The following ELMO1 variants were observed in gnomAD, a reference collection of about 807,000 sequenced individuals.
The protein encoded by ELMO1 is engulfment and cell motility protein 1.
In ELMO1, 26 loss-of-function variants were observed where a neutral mutation model predicts 98.9. The ratio of observed to expected loss-of-function variants is 0.26; its 90% CI spans 0.19 to 0.36. The LOEUF (loss-of-function observed/expected upper bound fraction) is 0.36, where lower values mean the gene tolerates loss of function less well. ELMO1 is among the 10% of genes least tolerant of loss of function. The pLI is 1.00. For synonymous variants in ELMO1, 346 were observed against 346.0 expected, an observed-to-expected ratio of 1.00 and a Z score of 0.00; for missense variants, 627 against 935.2, an observed-to-expected ratio of 0.67 and a Z score of 4.30.
chr7:36,980,634 G>T lies in ELMO1; in HGVS notation c.1437+32665C>A, dbSNP rs1790968145. Among the ~76,000 whole-genome samples the T allele has an allele frequency of 2.0e-5, 3 of 152,292 alleles. No homozygotes were observed. In the South Asian group the frequency reaches 6.2e-4, roughly 32 times the overall value. On this transcript the variant is annotated intron_variant, in intron 16 of 21. Coordinates refer to ENST00000310758, the MANE Select transcript of ELMO1 (RefSeq NM_014800.11). ...CTGTATTTCTAGAATATCATAGATT[G>T]CTTGAAATGAGCTAGCAAATTAGTA...
intron 15 of ELMO1, among the ~76,000 whole-genome samples, chr7:37,018,187 C>T (rs960027421): frequency 6.0e-5 from 9 of 148,780 alleles, no homozygotes; most frequent in African/African-American, 2.0e-4. Context: ...AGAGCAATGG[C>T]GTGATCTCAG....
At chr7:37,103,753 T>C (rs6954544) in intron 14 of ELMO1, among the ~76,000 whole-genome samples, 151,959 of 151,960 alleles carry the variant, frequency 1, 75,979 homozygotes, top group Non-Finnish European at 1. Context: ...TCCCAGCACT[T>C]TGGGAGGCCG....
chr7:37,300,752 C>T (rs200652275), intron 4 of ELMO1, among the ~76,000 whole-genome samples: 15 of 147,908 alleles, frequency 1.0e-4, no homozygotes, highest in South Asian at 2.2e-4. Context: ...TGTCTCTGCC[C>T]GGCTTTGGTA....
At position 37,218,275 on chromosome 7, in the gene ELMO1, T is replaced by C. The variant is rs1408043057; in HGVS notation, c.781-1580A>G. Among the ~76,000 whole-genome samples the C allele has an allele frequency of 3.9e-5, 6 of 152,358 alleles. No homozygotes were observed. The East Asian group carries it at 9.6e-4, about 24-fold the overall frequency. ...ATTTAAAGTTAGAAGGGACAATGTA[T>C]GTCCAACTTCTACTAAAGAAATCAT... On this transcript the variant is annotated intron_variant, in intron 10 of 21. Transcript: ENST00000310758.
intron 1 of ELMO1, among the ~76,000 whole-genome samples, chr7:37,398,367 G>C (rs541354681): frequency 6.6e-6 from 1 of 152,212 alleles, no homozygotes; most frequent in East Asian, 1.9e-4. Flanking sequence ...ATATATTCAT[G>C]GAAATGTAAA....
intron 13 of ELMO1, chr7:37,204,005 C>T (rs189806975): frequency 6.6e-5 from 29 of 436,434 alleles, no homozygotes; most frequent in Non-Finnish European, 1.1e-4. Context: ...CTGGCAGCCA[C>T]GCTAGTCGCT....
At chr7:36,997,850 A>G (rs1173117419) in intron 16 of ELMO1, 1 of 152,460 alleles carries the variant, frequency 6.6e-6, no homozygotes, top group Non-Finnish European at 1.5e-5. Context: ...GAGGCAACAC[A>G]AGTCAATGCC....
intron 1 of ELMO1, among the ~76,000 whole-genome samples, chr7:37,422,150 C>T (rs1298623034): frequency 6.6e-6 from 1 of 152,216 alleles, no homozygotes; most frequent in African/African-American, 2.4e-5. Context: ...ATTAGCTTTC[C>T]TCTATTTCAA....
intron 20 of ELMO1, among the ~76,000 whole-genome samples, chr7:36,869,259 T>C (rs1371972444): frequency 1.3e-5 from 2 of 152,146 alleles, no homozygotes; most frequent in African/African-American, 4.8e-5. Flanking sequence ...GGAGTTCCCA[T>C]GGAGCTGAGG....
rs1584478397 is a variant in ELMO1, at chr7:36,984,991, C to T, written c.1437+28308G>A. 4 of 985,312 alleles carry T rather than the reference C, an allele frequency of 4.1e-6. No individual in the cohort carries two copies. In the African/African-American group the frequency reaches 7.0e-5, roughly 17 times the overall value. The allele number at this position is 985,312 out of a possible 1,614,324, so 61.0% of individuals were successfully genotyped here. A position where few individuals can be genotyped will look rare whatever the true frequency, so the allele number is the denominator to read the frequency against. ...TGCTTGGGTTGCATCTTGCCACATACATTTTTAAGTTTGCAGCTAGAAGGG... is the reference window on the plus strand; with the variant it reads ...TGCTTGGGTTGCATCTTGCCACATATATTTTTAAGTTTGCAGCTAGAAGGG... On this transcript the variant is annotated intron_variant, in intron 16 of 21. Transcript: ENST00000310758.
intron 7 of ELMO1, among the ~76,000 whole-genome samples, chr7:37,243,082 T>C (rs559368615): frequency 1.3e-5 from 2 of 152,370 alleles, no homozygotes; most frequent in African/African-American, 4.8e-5. Context: ...ATTGTGCTAC[T>C]GTGCCATTAC....
At chr7:37,166,204 T>C (rs938813415) in intron 13 of ELMO1, among the ~76,000 whole-genome samples, 3 of 152,198 alleles carry the variant, frequency 2.0e-5, no homozygotes, top group South Asian at 2.1e-4. Flanking sequence ...TCATTTTTTA[T>C]TGCGTCTATT....
intron 16 of ELMO1, among the ~76,000 whole-genome samples, chr7:36,897,350 G>GTGTGTGTGTGTGTGTGT (rs1806115077): frequency 7.6e-6 from 1 of 132,118 alleles, no homozygotes; most frequent in African/African-American, 3.0e-5. Flanking sequence ...GTGTGTGTGT[G>GTGTGTGTGTGTGTGTGT]AAAGAGTGTT....
At chr7:36,949,303 T>G (rs1162817368) in intron 16 of ELMO1, among the ~76,000 whole-genome samples, 1 of 152,222 alleles carries the variant, frequency 6.6e-6, no homozygotes, top group Non-Finnish European at 1.5e-5. Context: ...CCACATTCCC[T>G]TGCCTTGTGC....
intron 1 of ELMO1, among the ~76,000 whole-genome samples, chr7:37,348,910 A>T (rs1193852191): frequency 6.6e-6 from 1 of 152,164 alleles, no homozygotes; most frequent in East Asian, 1.9e-4. Flanking sequence ...GTTTTGGGTG[A>T]CTGCAATGGC....
intron 4 of ELMO1, among the ~76,000 whole-genome samples, chr7:37,289,766 C>T (rs1797580118): frequency 1.3e-5 from 1 of 74,968 alleles, no homozygotes; most frequent in African/African-American, 3.5e-5. Context: ...TCTATCTTCT[C>T]TATTTTCTCT....
chr7:36,889,149 T>C (rs1805319790), intron 17 of ELMO1, among the ~76,000 whole-genome samples: 1 of 152,196 alleles, frequency 6.6e-6, no homozygotes, highest in Admixed American at 6.5e-5. Flanking sequence ...GGTATTCTAG[T>C]ACTCCATTAA....
chr7:37,225,760 C>T (rs761595180), intron 8 of ELMO1, among the ~76,000 whole-genome samples: 5 of 152,146 alleles, frequency 3.3e-5, no homozygotes, highest in Non-Finnish European at 7.4e-5. Context: ...ACAATGTGAG[C>T]GGAAAATAAA....
chr7:37,293,201 ACC>A (rs1184820627), intron 4 of ELMO1, among the ~76,000 whole-genome samples: 3 of 116,634 alleles, frequency 2.6e-5, no homozygotes, highest in Admixed American at 2.5e-4. Flanking sequence ...CCCGGCCACC[ACC>A]CCGTCTGGGA....
Sources: allele counts gnomAD v4.1 joint callset (sites outside exome capture counted in the v4.1 genomes callset), GRCh38; gene constraint gnomAD v4.1.1; transcripts MANE v1.5; gene names NCBI Gene and HGNC (gene_info 2026-07-23, HGNC 2026-07-21).